PLXNA4: variants seen among roughly 807,000 people sequenced by gnomAD.
PLXNA4 encodes the protein plexin-A4.
PLXNA4 carries 44 observed loss-of-function variants against 191.8 expected under a neutral mutation model. The observed-to-expected ratio is 0.23, with a 90% CI of 0.18 to 0.29. The LOEUF (loss-of-function observed/expected upper bound fraction) is 0.29. PLXNA4 is among the 10% of genes least tolerant of loss of function. PLXNA4 has a pLI of 1.00. For missense variants in PLXNA4, 1,800 were observed against 2,488.8 expected, an observed-to-expected ratio of 0.72 and a Z score of 5.89; for synonymous variants, 1,082 against 1,009.5, an observed-to-expected ratio of 1.07 and a Z score of -1.36.
intron 2 of PLXNA4, among the ~76,000 whole-genome samples, chr7:132,491,986 G>A (rs1329986975): frequency 1.3e-5 from 2 of 152,186 alleles, no homozygotes; most frequent in African/African-American, 4.8e-5. Flanking sequence ...TGGGGTGCTA[G>A]GGGTCCTCGT....
chr7:132,175,354 AT>A, intron 20 of PLXNA4, among the ~76,000 whole-genome samples: 1 of 152,228 alleles, frequency 6.6e-6, no homozygotes, highest in South Asian at 2.1e-4. Context: ...TTTAGAATAG[AT>A]TTCCTTATAA....
rs1347364915 is a variant in PLXNA4, at chr7:132,363,527, CT to C, written c.1372-65306del. 2.1e-4 allele frequency among the ~76,000 whole-genome samples: 32 copies of C among 152,298 alleles called. No individual in the cohort carries two copies. The East Asian group carries it at 2.3e-3, about 11-fold the overall frequency. ...TGTAGCACGTATCGGCATTTCCTTT[CT>C]TTTTAAGACTGAATATTATTCCATT... On this transcript the variant is annotated intron_variant, in intron 3 of 31. Coordinates refer to ENST00000321063, the MANE Select transcript of PLXNA4 (RefSeq NM_020911.2).
chr7:132,373,973 C>T (rs146595840), intron 3 of PLXNA4, among the ~76,000 whole-genome samples: 215 of 152,190 alleles, frequency 1.4e-3, no homozygotes, highest in Non-Finnish European at 2.3e-3. Context: ...CTCAGGTGGC[C>T]GGGGGCTCCC....
At chr7:132,613,848 A>G (rs1196482552) in intron 2 of PLXNA4, among the ~76,000 whole-genome samples, 2 of 152,148 alleles carry the variant, frequency 1.3e-5, no homozygotes, top group African/African-American at 2.4e-5. Flanking sequence ...TAAATCCAGG[A>G]AAAAAAAGTA....
intron 3 of PLXNA4, among the ~76,000 whole-genome samples, chr7:132,401,417 C>T (rs1793979878): frequency 1.3e-5 from 2 of 152,182 alleles, no homozygotes; most frequent in South Asian, 4.1e-4. Flanking sequence ...TAATGTGAAG[C>T]CCAGGCTGAG....
chr7:132,199,632 G>A (rs1584832293), intron 12 of PLXNA4, among the ~76,000 whole-genome samples: 1 of 152,284 alleles, frequency 6.6e-6, no homozygotes, highest in African/African-American at 2.4e-5. Flanking sequence ...AGAATGGAAG[G>A]AGCCCAGAGA....
At chr7:132,354,353 T>C (rs1803615659) in intron 3 of PLXNA4, among the ~76,000 whole-genome samples, 1 of 152,168 alleles carries the variant, frequency 6.6e-6, no homozygotes, top group African/African-American at 2.4e-5. Flanking sequence ...TCTAAAATCT[T>C]TTTAGGGCTC....
At chr7:132,253,997 C>A (rs528354453) in intron 4 of PLXNA4, among the ~76,000 whole-genome samples, 2 of 152,168 alleles carry the variant, frequency 1.3e-5, no homozygotes, top group Non-Finnish European at 2.9e-5. Context: ...ATCCTAGACC[C>A]GTTCCTTACT....
At position 132,399,562 on chromosome 7, in the gene PLXNA4, G is replaced by A. The variant is rs376977879; in HGVS notation, c.1371+89730C>T. ...TCATGGGGGAGGCGGGACCACACTG[G>A]TCCTAGTGCAGTCTGGGAAGAGTGT... On this transcript the variant is annotated intron_variant, in intron 3 of 31. Coordinates refer to ENST00000321063, the MANE Select transcript of PLXNA4 (RefSeq NM_020911.2). Among the ~76,000 whole-genome samples the A allele has an allele frequency of 2.7e-3, 414 of 152,290 alleles. 2 individuals carry two copies. The highest frequency in any genetic ancestry group is 9.9e-3 in the African/African-American group (410 of 41,570).
At chr7:132,164,016 CCA>C (rs1796024066) in intron 24 of PLXNA4, 124 bp downstream of exon 24, 2 of 1,445,974 alleles carry the variant, frequency 1.4e-6, no homozygotes, top group Non-Finnish European at 1.9e-6. Flanking sequence ...CTGGCTGGGC[CCA>C]CACAGCAGAC....
chr7:132,435,962 T>C (rs1349791157), intron 3 of PLXNA4, among the ~76,000 whole-genome samples: 1 of 152,224 alleles, frequency 6.6e-6, no homozygotes, highest in Non-Finnish European at 1.5e-5. Context: ...ATAGTACTAA[T>C]ATTCTCTAAA....
chr7:132,624,328 A>G (rs998307419), intron 2 of PLXNA4, among the ~76,000 whole-genome samples: 2 of 152,204 alleles, frequency 1.3e-5, no homozygotes, highest in Non-Finnish European at 2.9e-5. Context: ...CAAAGCACAT[A>G]CAGACTCCAG....
At chr7:132,354,938 C>A (rs1277918466) in intron 3 of PLXNA4, among the ~76,000 whole-genome samples, 2 of 152,214 alleles carry the variant, frequency 1.3e-5, no homozygotes, top group East Asian at 3.9e-4. Context: ...CTGCTTTCTT[C>A]TACTGGTCTT....
intron 2 of PLXNA4, among the ~76,000 whole-genome samples, chr7:132,628,370 TTC>T (rs910875530): frequency 3.3e-5 from 5 of 149,332 alleles, no homozygotes; most frequent in Non-Finnish European, 7.4e-5. Context: ...CTCTCTCTGT[TTC>T]TCTCTCTCTC....
In PLXNA4 at chr7:132,125,847, G is replaced by A. The variant is rs1251662243; in HGVS notation, c.*4632C>T. The A allele has an allele frequency of 6.6e-6, 1 of 152,240 alleles. No homozygotes were observed. Among genetic ancestry groups the A allele is most frequent in the Non-Finnish European group, 1.5e-5 (1 of 68,156 alleles). The allele number at this position is 152,240 out of a possible 1,614,324, so 9.4% of individuals were successfully genotyped here. On this transcript the variant is annotated 3_prime_UTR_variant, in exon 32 of 32. Transcript: ENST00000321063. ...TCAGTCATGGAAAGACCCCTTGAAG[G>A]CCTTGAAGAGCTGGCTGGGGCTGCT...
intron 3 of PLXNA4, among the ~76,000 whole-genome samples, chr7:132,486,767 C>T (rs939778114): frequency 3.3e-5 from 5 of 152,318 alleles, no homozygotes; most frequent in South Asian, 4.2e-4. Flanking sequence ...ATGCCGGCCG[C>T]GGTTTATGAA....
intron 2 of PLXNA4, among the ~76,000 whole-genome samples, chr7:132,604,364 C>A (rs139987986): frequency 6.6e-6 from 1 of 152,124 alleles, no homozygotes; most frequent in Admixed American, 6.5e-5. Flanking sequence ...CATAGATATA[C>A]GGACAGGAAA....
intron 2 of PLXNA4, among the ~76,000 whole-genome samples, chr7:132,637,610 G>A (rs1413254512): frequency 6.6e-6 from 1 of 152,222 alleles, no homozygotes; most frequent in Non-Finnish European, 1.5e-5. Flanking sequence ...AGCCATGCTT[G>A]TCTTCCAAGT....
intron 3 of PLXNA4, 93 bp downstream of exon 3, chr7:132,489,199 C>G (rs145333585): frequency 7.4e-7 from 1 of 1,357,118 alleles, no homozygotes; most frequent in Admixed American, 2.0e-5. Context: ...CCTGCCCACA[C>G]GCCCAAGTTA....
Sources: gnomAD v4.1 joint callset for allele counts (sites outside exome capture counted in the v4.1 genomes callset) on GRCh38, gnomAD v4.1.1 for gene constraint, MANE v1.5 for transcripts, NCBI Gene and HGNC (gene_info 2026-07-23, HGNC 2026-07-21) for gene names.